The following CTSC variants were observed in gnomAD, a reference collection of about 807,000 sequenced individuals.
CTSC encodes the protein dipeptidyl peptidase 1.
A neutral mutation model predicts 40.9 loss-of-function variants in CTSC; 37 were observed. That is an observed-to-expected ratio of 0.91 (90% CI 0.70 to 1.19). The LOEUF (loss-of-function observed/expected upper bound fraction) is 1.19. CTSC is among the 50% of genes most tolerant of loss of function. The pLI, the probability that CTSC is intolerant of heterozygous loss-of-function variation, is 0.00. For synonymous variants in CTSC, 232 were observed against 207.4 expected, an observed-to-expected ratio of 1.12 and a Z score of -1.02; for missense variants, 594 against 567.3, an observed-to-expected ratio of 1.05 and a Z score of -0.48.
In CTSC at chr11:88,293,794, T is replaced by G. The variant is rs199543326; in HGVS notation, c.*212A>C. On this transcript the variant is annotated 3_prime_UTR_variant, in exon 7 of 7. Coordinates refer to ENST00000227266, the MANE Select transcript of CTSC (RefSeq NM_001814.6). ...TCATAGCTGACCATCTTCCAGAAAA[T>G]TCCCACTTAATTGAATACTTAGAAA... 4 of 604,888 alleles carry G rather than the reference T, an allele frequency of 6.6e-6. No individual in the cohort carries two copies. In the East Asian group the frequency reaches 1.1e-4, roughly 17 times the overall value. 37.5% of individuals were successfully genotyped at this position (604,888 alleles called of 1,614,324 possible). A position where few individuals can be genotyped will look rare whatever the true frequency, so the allele number is the denominator to read the frequency against.
At chr11:88,333,647 T>A (rs1938418472) in intron 2 of CTSC, among the ~76,000 whole-genome samples, 1 of 152,236 alleles carries the variant, frequency 6.6e-6, no homozygotes, top group Non-Finnish European at 1.5e-5. Flanking sequence ...ATATACCACA[T>A]ATACATTACA....
In CTSC at chr11:88,326,127, G is replaced by A. The variant is rs1285140954; in HGVS notation, c.318+8810C>T. The A allele has an allele frequency of 6.1e-6, 8 of 1,303,944 alleles. No individual in the cohort carries two copies. In the East Asian group the frequency reaches 2.2e-4, roughly 36 times the overall value. The allele number at this position is 1,303,944 out of a possible 1,614,324, so 80.8% of individuals were successfully genotyped here. ...TTTTATTAAAAAACTGAACGGTGAA[G>A]CCACCCAAGATTTTGCATCTTCAGA... On this transcript the variant is annotated intron_variant, in intron 2 of 6. Coordinates refer to ENST00000227266, the MANE Select transcript of CTSC (RefSeq NM_001814.6).
At chr11:88,316,561 A>T (rs1344399116) in intron 2 of CTSC, among the ~76,000 whole-genome samples, 1 of 152,106 alleles carries the variant, frequency 6.6e-6, no homozygotes, top group Admixed American at 6.5e-5. Context: ...ATGTATACTA[A>T]CTCATTTATT....
chr11:88,299,118 TAAC>T (rs982433219), intron 5 of CTSC: 19 of 152,262 alleles, frequency 1.2e-4, no homozygotes, highest in African/African-American at 4.6e-4. Context: ...GATGTTCTGG[TAAC>T]AACACCAGAA....
intron 4 of CTSC, among the ~76,000 whole-genome samples, chr11:88,303,971 T>C (rs774553342): frequency 2.6e-5 from 4 of 151,650 alleles, no homozygotes; most frequent in Non-Finnish European, 5.9e-5. Context: ...AGGCCTAATG[T>C]GCCCCAACGT....
At chr11:88,303,287 G>C (rs1470209815) in intron 4 of CTSC, among the ~76,000 whole-genome samples, 1 of 152,148 alleles carries the variant, frequency 6.6e-6, no homozygotes, top group Non-Finnish European at 1.5e-5. Flanking sequence ...TTTTGACACT[G>C]TGTACTTAGA....
intron 2 of CTSC, among the ~76,000 whole-genome samples, chr11:88,315,206 C>A (rs1357267123): frequency 1.3e-5 from 2 of 152,038 alleles, no homozygotes; most frequent in African/African-American, 2.4e-5. Context: ...AGGGTTAGGC[C>A]GATGCTCCCT....
Position 88,337,710 on chromosome 11 carries a change from G to A in CTSC, c.-38C>T, listed in dbSNP as rs1187882598. The A allele has an allele frequency of 1.3e-5, 20 of 1,551,796 alleles. 1 individual carries two copies. In the Middle Eastern group the frequency reaches 6.7e-4, roughly 52 times the overall value. ...TGAGAAAAGAGGTGAAGAATTACCA[G>A]GAAGCCGAGCGCTGCGGGCTAGCGG... On this transcript the variant is annotated 5_prime_UTR_variant, in exon 1 of 7. Coordinates refer to ENST00000227266, the MANE Select transcript of CTSC (RefSeq NM_001814.6).
At position 88,325,627 on chromosome 11, in the gene CTSC, T is replaced by C. The variant is rs1399742844; in HGVS notation, c.318+9310A>G. 4.1e-6 allele frequency: 4 copies of C among 984,676 alleles called. No homozygotes were observed. In the South Asian group the frequency reaches 1.4e-4, roughly 35 times the overall value. 61.0% of individuals were successfully genotyped at this position (984,676 alleles called of 1,614,324 possible). On this transcript the variant is annotated intron_variant, in intron 2 of 6. Transcript: ENST00000227266. ...TATCTATAAAATGAAACTAGTTATATCTACTTTACAGAACTTTTGTAGCTT... is the reference window on the plus strand; with the variant it reads ...TATCTATAAAATGAAACTAGTTATACCTACTTTACAGAACTTTTGTAGCTT...
rs753831549 is a variant in CTSC at position 88,326,382 on chromosome 11, C to T, written c.318+8555G>A. 30 of 1,613,864 alleles carry T rather than the reference C, an allele frequency of 1.9e-5. No homozygotes were observed. The South Asian group carries it at 3.2e-4, about 17-fold the overall frequency. ...GTCGCAGGCTGCTCTGTCTCTTAGCCCCAACGTCTGTTCATGGCTGTGGTT... is the reference window on the plus strand; with the variant it reads ...GTCGCAGGCTGCTCTGTCTCTTAGCTCCAACGTCTGTTCATGGCTGTGGTT... On this transcript the variant is annotated intron_variant, in intron 2 of 6. Transcript: ENST00000227266.
intron 2 of CTSC, among the ~76,000 whole-genome samples, chr11:88,313,503 C>G (rs531628804): frequency 6.6e-6 from 1 of 152,198 alleles, no homozygotes; most frequent in South Asian, 2.1e-4. Context: ...AGTGTTAGAA[C>G]TGAAAAATAA....
chr11:88,317,091 T>C (rs1362962154), intron 2 of CTSC, among the ~76,000 whole-genome samples: 5 of 152,122 alleles, frequency 3.3e-5, no homozygotes, highest in Admixed American at 6.6e-5. Flanking sequence ...CTCAGCCGCC[T>C]GAGTAGCTGG....
intron 2 of CTSC, among the ~76,000 whole-genome samples, chr11:88,316,698 A>C (rs1011971977): frequency 6.6e-5 from 10 of 152,218 alleles, no homozygotes; most frequent in Non-Finnish European, 1.3e-4. Context: ...TGAGTGAATA[A>C]ATGAATAACA....
At position 88,337,044 on chromosome 11, in the gene CTSC, A is replaced by G. The variant is rs548437391; in HGVS notation, c.172+457T>C. On this transcript the variant is annotated intron_variant, in intron 1 of 6. Transcript: ENST00000227266. ...GCTCAAACCAAAATCGCTGGGCAGA[A>G]AGTCCCTTTCCCACCATCTAACAAA... is the stretch of plus-strand genomic sequence containing the variant. Among the ~76,000 whole-genome samples, 8 of 151,870 alleles carry G rather than the reference A, an allele frequency of 5.3e-5. No individual in the cohort carries two copies. In the South Asian group the frequency reaches 1.7e-3, roughly 32 times the overall value.
At chr11:88,335,122 T>C in intron 1 of CTSC, 40 bp from the exon 2 acceptor site, 2 of 1,364,994 alleles carry the variant, frequency 1.5e-6, no homozygotes, top group Non-Finnish European at 2.1e-6. Context: ...GGAAAATTAT[T>C]TGGATTTCAA....
At chr11:88,321,183 T>G (rs1308398590) in intron 2 of CTSC, 2 of 264,060 alleles carry the variant, frequency 7.6e-6, no homozygotes, top group Non-Finnish European at 5.9e-6. Context: ...GTGTAGGATG[T>G]GCAGGTTTCT....
At chr11:88,312,995 G>C (rs1937797203) in intron 2 of CTSC, among the ~76,000 whole-genome samples, 3 of 152,170 alleles carry the variant, frequency 2.0e-5, no homozygotes, top group Admixed American at 2.0e-4. Flanking sequence ...GGCAGAAACA[G>C]AATTCTCCTC....
intron 2 of CTSC, chr11:88,325,583 G>GT: frequency 2.0e-6 from 2 of 985,316 alleles, no homozygotes; most frequent in Non-Finnish European, 2.4e-6. Flanking sequence ...GCTTAGCACT[G>GT]TAAGAGATTA....
intron 2 of CTSC, chr11:88,327,965 G>T: frequency 1.5e-6 from 1 of 687,956 alleles, no homozygotes. Context: ...CAGCAGACAA[G>T]CAGGCTCAAG....
Sources: allele counts gnomAD v4.1 joint callset (sites outside exome capture counted in the v4.1 genomes callset), GRCh38; gene constraint gnomAD v4.1.1; transcripts MANE v1.5; gene names NCBI Gene and HGNC (gene_info 2026-07-23, HGNC 2026-07-21).